The following NRCAM variants were observed in gnomAD, a reference collection of about 807,000 sequenced individuals.
NRCAM encodes the protein neuronal cell adhesion molecule, also known as NgCAM-related cell adhesion molecule.
In NRCAM, 83 loss-of-function variants were observed where a neutral mutation model predicts 156.5. The ratio of observed to expected loss-of-function variants is 0.53; its 90% CI spans 0.44 to 0.64. The LOEUF is 0.64. NRCAM is among the 30% of genes least tolerant of loss of function. NRCAM has a pLI of 0.00. For synonymous variants in NRCAM, 538 were observed against 563.9 expected, an observed-to-expected ratio of 0.95 and a Z score of 0.65; for missense variants, 1,417 against 1,597.3, an observed-to-expected ratio of 0.89 and a Z score of 1.92.
chr7:108,429,854 T>G (rs1482813174), intron 1 of NRCAM, among the ~76,000 whole-genome samples: 1 of 152,132 alleles, frequency 6.6e-6, no homozygotes, highest in African/African-American at 2.4e-5. Context: ...TACAGCAAGC[T>G]AAAGCAAATC....
At chr7:108,344,404 G>T (rs755901925) in intron 2 of NRCAM, among the ~76,000 whole-genome samples, 8 of 152,120 alleles carry the variant, frequency 5.3e-5, no homozygotes, top group African/African-American at 9.7e-5. Context: ...TATAAACCCA[G>T]GCATTCGAGC....
chr7:108,260,565 G>A (rs1331254957), intron 3 of NRCAM, among the ~76,000 whole-genome samples: 1 of 152,148 alleles, frequency 6.6e-6, no homozygotes, highest in Non-Finnish European at 1.5e-5. Context: ...GTGATGGAGT[G>A]GGGAAAGGGA....
At chr7:108,316,357 A>G (rs1478976768) in intron 2 of NRCAM, among the ~76,000 whole-genome samples, 1 of 152,224 alleles carries the variant, frequency 6.6e-6, no homozygotes, top group African/African-American at 2.4e-5. Context: ...CTGCCTCCAG[A>G]ACCATGAGCC....
intron 11 of NRCAM, among the ~76,000 whole-genome samples, chr7:108,218,175 G>T (rs955920806): frequency 1.7e-4 from 8 of 46,650 alleles, no homozygotes; most frequent in East Asian, 3.6e-3. Context: ...CCCTTGGCTG[G>T]GGGGGGGGGG....
At chr7:108,374,620 G>A (rs1267187536) in intron 2 of NRCAM, among the ~76,000 whole-genome samples, 1 of 152,142 alleles carries the variant, frequency 6.6e-6, no homozygotes, top group East Asian at 1.9e-4. Flanking sequence ...TATGAAGTGA[G>A]ATTTCAATTC....
chr7:108,308,242 C>G (rs1250081936), intron 3 of NRCAM, among the ~76,000 whole-genome samples: 1 of 152,212 alleles, frequency 6.6e-6, no homozygotes, highest in Non-Finnish European at 1.5e-5. Context: ...TGGCACTGTT[C>G]TGGTCATTTT....
intron 28 of NRCAM, among the ~76,000 whole-genome samples, chr7:108,169,797 G>C (rs2057328060): frequency 6.6e-6 from 1 of 152,078 alleles, no homozygotes; most frequent in African/African-American, 2.4e-5. Context: ...GGCAACCCAG[G>C]AAAAACATTA....
intron 13 of NRCAM, among the ~76,000 whole-genome samples, chr7:108,198,355 A>AT (rs947368592): frequency 1.3e-5 from 2 of 152,036 alleles, no homozygotes; most frequent in East Asian, 1.9e-4. Context: ...TTTTATTTTT[A>AT]TTTTTTTAAA....
intron 11 of NRCAM, among the ~76,000 whole-genome samples, chr7:108,216,677 G>C (rs534485438): frequency 1.3e-5 from 2 of 152,048 alleles, no homozygotes; most frequent in East Asian, 3.9e-4. Context: ...TTCTATCTCT[G>C]TTATCCTTTC....
chr7:108,216,818 C>T (rs924168126), intron 11 of NRCAM, among the ~76,000 whole-genome samples: 1 of 152,044 alleles, frequency 6.6e-6, no homozygotes, highest in African/African-American at 2.4e-5. Context: ...TTCCTCTAAC[C>T]TTTTTTCAAG....
chr7:108,168,061 G>A (rs2055902585), intron 29 of NRCAM, among the ~76,000 whole-genome samples: 1 of 152,128 alleles, frequency 6.6e-6, no homozygotes, highest in Non-Finnish European at 1.5e-5. Flanking sequence ...TGGAACATAT[G>A]CCCTCTGTTA....
At position 108,180,387 on chromosome 7, in the gene NRCAM, C is replaced by T. The variant is rs919967987; in HGVS notation, c.2687G>A (p.Arg896Lys). 6.2e-7 allele frequency: 1 copy of T among 1,614,234 alleles called. No homozygotes were observed. The highest frequency in any genetic ancestry group is 8.5e-7 in the Non-Finnish European group (1 of 1,180,022). Reference protein sequence around the residue: ...WKTQSSSKRNRRHIEKKILTF... With the variant: ...WKTQSSSKRNKRHIEKKILTF... ...GAGGATCTTTTTCTCAATGTGACGT[C>T]TGTTTCTTTTAGATGAACTCTGGGT... The change falls in exon 25 of 33, where the codon AGA becomes AAA. Residue 896 changes from arginine to lysine, a missense_variant. Transcript: ENST00000379028.
rs1426649524 is a variant in NRCAM, at chr7:108,243,494, C to T, written c.-106-3324G>A. Among the ~76,000 whole-genome samples the T allele has an allele frequency of 5.9e-5, 9 of 152,132 alleles. No homozygotes were observed. In the East Asian group the frequency reaches 1.7e-3, roughly 29 times the overall value. Reference sequence around the variant, plus strand: ...TTTACCTTGGAAAATGATGGTCATTCTTCATTAAGTGAGAATCATGAACTA... The same window carrying T: ...TTTACCTTGGAAAATGATGGTCATTTTTCATTAAGTGAGAATCATGAACTA... On this transcript the variant is annotated intron_variant, in intron 3 of 32. Transcript: ENST00000379028.
At chr7:108,153,710 G>A (rs1585044557) in intron 32 of NRCAM, among the ~76,000 whole-genome samples, 2 of 152,110 alleles carry the variant, frequency 1.3e-5, no homozygotes, top group East Asian at 3.8e-4. Context: ...ACAGGTAAAT[G>A]TTAGAATATA....
chr7:108,412,801 T>C (rs1396914501), intron 1 of NRCAM, among the ~76,000 whole-genome samples: 1 of 152,214 alleles, frequency 6.6e-6, no homozygotes, highest in Non-Finnish European at 1.5e-5. Flanking sequence ...ATGTGGTATT[T>C]GTCTTTCTGT....
chr7:108,356,748 A>G (rs2099502696), intron 2 of NRCAM, among the ~76,000 whole-genome samples: 1 of 152,194 alleles, frequency 6.6e-6, no homozygotes. Context: ...CCCAAGTCAG[A>G]AGACAATTTT....
chr7:108,201,840 T>A (rs1418043231), intron 13 of NRCAM, among the ~76,000 whole-genome samples: 1 of 152,186 alleles, frequency 6.6e-6, no homozygotes, highest in Non-Finnish European at 1.5e-5. Flanking sequence ...GGCAAGGTAT[T>A]TAGGAACAAA....
rs183627575 is a variant in NRCAM, at chr7:108,322,221, C to T, written c.-173-9490G>A. Among the ~76,000 whole-genome samples the T allele has an allele frequency of 1.6e-3, 246 of 152,140 alleles. 1 individual carries two copies. The highest frequency in any genetic ancestry group is 3.0e-3 in the Non-Finnish European group (203 of 67,980). On this transcript the variant is annotated intron_variant, in intron 2 of 32. Transcript: ENST00000379028. ...TTTTTAGATGTTCTAGTTTTCTAGT[C>T]TTCCCTTGATACAGACATGAACTTA...
chr7:108,221,500 T>G (rs953915521), intron 11 of NRCAM, among the ~76,000 whole-genome samples: 7 of 152,148 alleles, frequency 4.6e-5, no homozygotes, highest in African/African-American at 1.7e-4. Context: ...TATATATATG[T>G]GATGGAATAC....
Sources: gnomAD v4.1 joint callset for allele counts (sites outside exome capture counted in the v4.1 genomes callset) on GRCh38, gnomAD v4.1.1 for gene constraint, MANE v1.5 for transcripts, NCBI Gene and HGNC (gene_info 2026-07-23, HGNC 2026-07-21) for gene names.